Variants in COL24A1 observed in about 807,000 individuals in gnomAD.
COL24A1 encodes the protein collagen type XXIV alpha 1 chain.
COL24A1 carries 224 observed loss-of-function variants against 253.9 expected under a neutral mutation model. The ratio of observed to expected loss-of-function variants is 0.88; its 90% confidence interval spans 0.79 to 0.99. The LOEUF (loss-of-function observed/expected upper bound fraction) is 0.99. Among genes scored for constraint, COL24A1 ranks in the 50% least tolerant of loss-of-function variants. The pLI is 0.00. For synonymous variants in COL24A1, 685 were observed against 673.7 expected, an observed-to-expected ratio of 1.02 and a Z score of -0.26; for missense variants, 2,131 against 2,068.5, an observed-to-expected ratio of 1.03 and a Z score of -0.59.
intron 56 of COL24A1, 106 bp downstream of exon 56, chr1:85,745,334 TA>T (rs1417196829): frequency 4.8e-6 from 3 of 624,908 alleles, no homozygotes; most frequent in Non-Finnish European, 7.9e-6. Flanking sequence ...CAATCTGTTT[TA>T]AATACAATCT....
chr1:85,765,384 T>C (rs1462825140), intron 53 of COL24A1, among the ~76,000 whole-genome samples: 3 of 151,872 alleles, frequency 2.0e-5, no homozygotes, highest in East Asian at 3.9e-4. Flanking sequence ...CTGTAAGTTA[T>C]ATGATTCAAG....
At chr1:85,901,266 AAGAC>A (rs531470551) in intron 28 of COL24A1, among the ~76,000 whole-genome samples, 193 of 152,324 alleles carry the variant, frequency 1.3e-3, no homozygotes, top group African/African-American at 4.4e-3. Flanking sequence ...CATTTCTTAA[AAGAC>A]AGACAAATGG....
rs569062417 is a variant in COL24A1, at chr1:86,139,446, G to A, written c.121+6673C>T. 2.0e-5 allele frequency among the ~76,000 whole-genome samples: 3 copies of A among 152,182 alleles called. No homozygotes were observed. In the South Asian group the frequency reaches 6.2e-4, roughly 32 times the overall value. On this transcript the variant is annotated intron_variant, in intron 2 of 59. Transcript: ENST00000370571. ...GAACCATTAAATGTGTCAATATTCA[G>A]CGATAGTCTATCACAAATTGGAAGA...
chr1:86,083,242 G>T (rs1310881119), intron 7 of COL24A1, among the ~76,000 whole-genome samples: 1 of 151,908 alleles, frequency 6.6e-6, no homozygotes, highest in Non-Finnish European at 1.5e-5. Context: ...AGCTTGCAGT[G>T]AGCCGAGATT....
chr1:85,742,061 T>C (rs1664701143), intron 57 of COL24A1, among the ~76,000 whole-genome samples: 3 of 152,148 alleles, frequency 2.0e-5, no homozygotes, highest in Admixed American at 1.3e-4. Context: ...TTTTGTTTGC[T>C]AGTTCGCCCT....
chr1:85,850,415 T>A (rs1677627575), intron 37 of COL24A1, among the ~76,000 whole-genome samples: 1 of 152,168 alleles, frequency 6.6e-6, no homozygotes, highest in African/African-American at 2.4e-5. Context: ...AACAGATACC[T>A]AAGGAAATGA....
rs1669985600 is a variant in COL24A1 at position 85,788,905 on chromosome 1, G to A, written c.3952-2444C>T. Among the ~76,000 whole-genome samples the A allele has an allele frequency of 2.0e-5, 3 of 152,040 alleles. No homozygotes were observed. The South Asian group carries it at 6.2e-4, about 32-fold the overall frequency. ...GTCTTATTTCTGAGTTCTCTATTCT[G>A]GTCCGTTGGTCTATGTGTCTGTTTT... is the stretch of plus-strand genomic sequence containing the variant. On this transcript the variant is annotated intron_variant, in intron 47 of 59. Coordinates refer to ENST00000370571, the MANE Select transcript of COL24A1 (RefSeq NM_152890.7).
chr1:86,116,062 T>G (rs533965198), intron 3 of COL24A1, among the ~76,000 whole-genome samples: 1 of 152,236 alleles, frequency 6.6e-6, no homozygotes, highest in Non-Finnish European at 1.5e-5. Flanking sequence ...CTCCATATAA[T>G]GTTTTATGTT....
intron 2 of COL24A1, among the ~76,000 whole-genome samples, chr1:86,144,325 C>T (rs72716192): frequency 0.066 from 9,993 of 152,012 alleles, 450 homozygotes; most frequent in East Asian, 0.14. Context: ...ATTTAATTTT[C>T]CCTATATCTT....
intron 19 of COL24A1, among the ~76,000 whole-genome samples, chr1:85,988,486 G>T (rs1463232983): frequency 6.6e-6 from 1 of 151,988 alleles, no homozygotes; most frequent in Non-Finnish European, 1.5e-5. Context: ...AATAATTAGA[G>T]TGTGATTCAT....
intron 47 of COL24A1, among the ~76,000 whole-genome samples, chr1:85,796,938 C>T (rs901137824): frequency 2.0e-5 from 3 of 151,862 alleles, no homozygotes; most frequent in Admixed American, 1.3e-4. Flanking sequence ...CGGTGGCTCA[C>T]GCCTGTAATC....
chr1:85,867,891 C>T (rs573206670), intron 37 of COL24A1, among the ~76,000 whole-genome samples: 124 of 152,130 alleles, frequency 8.2e-4, no homozygotes, highest in Non-Finnish European at 7.4e-4. Context: ...ATTACAAGCA[C>T]GCACCATGGT....
intron 25 of COL24A1, among the ~76,000 whole-genome samples, 153 bp from the exon 26 acceptor site, chr1:85,910,156 C>T (rs143714115): frequency 1.4e-3 from 218 of 151,764 alleles, no homozygotes; most frequent in African/African-American, 4.8e-3. Context: ...ACAAATTTGG[C>T]GCTTTATCTT....
chr1:85,903,908 T>A (rs1684559591), intron 28 of COL24A1, among the ~76,000 whole-genome samples: 1 of 152,176 alleles, frequency 6.6e-6, no homozygotes. Flanking sequence ...AAAAATATTT[T>A]GATTCTATTC....
At chr1:85,885,467 T>A (rs6701281) in intron 32 of COL24A1, among the ~76,000 whole-genome samples, 4 of 150,316 alleles carry the variant, frequency 2.7e-5, no homozygotes, top group Admixed American at 6.6e-5. Context: ...GTGATCCACC[T>A]GCTTTGGCCT....
intron 55 of COL24A1, among the ~76,000 whole-genome samples, chr1:85,747,249 G>A (rs1379512010): frequency 1.3e-5 from 2 of 151,552 alleles, no homozygotes; most frequent in Non-Finnish European, 1.5e-5. Context: ...AAGTAGCTGT[G>A]ACTACAGGCT....
intron 10 of COL24A1, among the ~76,000 whole-genome samples, chr1:86,053,039 A>G (rs1361493430): frequency 1.3e-5 from 2 of 152,086 alleles, no homozygotes; most frequent in African/African-American, 2.4e-5. Context: ...TGAAACATCT[A>G]TGATTTTCTT....
intron 7 of COL24A1, among the ~76,000 whole-genome samples, chr1:86,070,682 A>G (rs1190400955): frequency 6.6e-6 from 1 of 152,232 alleles, no homozygotes; most frequent in Admixed American, 6.5e-5. Context: ...GTGGCATGAC[A>G]TATTTAAAGT....
Position 85,971,010 on chromosome 1 carries a change from C to T in COL24A1, c.2418+330G>A, listed in dbSNP as rs111235134. Among the ~76,000 whole-genome samples the T allele has an allele frequency of 1.2e-3, 183 of 152,206 alleles. 1 individual carries two copies. Among genetic ancestry groups the T allele is most frequent in the African/African-American group, 4.0e-3 (168 of 41,538 alleles). ...GGAGGACTGCTTGAGGCCAGAAGTT[C>T]GGCCAGCCTGGGTAACATAGCAAAA... is the stretch of plus-strand genomic sequence containing the variant. On this transcript the variant is annotated intron_variant, in intron 21 of 59. Coordinates refer to ENST00000370571, the MANE Select transcript of COL24A1 (RefSeq NM_152890.7).
Sources: gnomAD v4.1 joint callset for allele counts (sites outside exome capture counted in the v4.1 genomes callset) on GRCh38, gnomAD v4.1.1 for gene constraint, MANE v1.5 for transcripts, NCBI Gene and HGNC (gene_info 2026-07-23, HGNC 2026-07-21) for gene names.